Variants in GPBP1 observed in about 807,000 individuals in gnomAD.
GPBP1 encodes vasculin.
A neutral mutation model predicts 56.5 loss-of-function variants in GPBP1; 13 were observed. The ratio of observed to expected loss-of-function variants is 0.23; its 90% CI spans 0.15 to 0.37. The LOEUF (loss-of-function observed/expected upper bound fraction) is 0.37, where lower values mean the gene tolerates loss of function less well. Ranked by LOEUF, GPBP1 falls within the 10% of genes least tolerant of loss-of-function variation. The probability of loss-of-function intolerance (pLI) is 1.00; values close to 1 mark genes in which losing one functional copy is unlikely to be tolerated. For synonymous variants in GPBP1, 204 were observed against 188.9 expected, an observed-to-expected ratio of 1.08 and a Z score of -0.66; for missense variants, 477 against 572.3, an observed-to-expected ratio of 0.83 and a Z score of 1.70.
chr5:57,175,435 A>G lies in GPBP1; in HGVS notation c.-1010-13A>G, dbSNP rs1013679984. 2.5e-4 allele frequency: 98 copies of G among 398,336 alleles called. No homozygotes were observed. The highest frequency in any genetic ancestry group is 9.3e-5 in the Non-Finnish European group (21 of 226,020). The allele number at this position is 398,336 out of a possible 1,614,324, so 24.7% of individuals were successfully genotyped here. A position where few individuals can be genotyped will look rare whatever the true frequency, so the allele number is the denominator to read the frequency against. On this transcript the variant is annotated splice_polypyrimidine_tract_variant and intron_variant, in intron 1 of 11. Coordinates refer to ENST00000506184, the MANE Select transcript of GPBP1 (RefSeq NM_022913.4). The stretch of plus-strand genomic sequence containing the variant: ...CAAAACTCAGTATATAATTTTTTTT[A>G]TAACTTTTACAGGTGATTGAATTAC...
At chr5:57,209,171 C>T (rs1047381698) in intron 2 of GPBP1, among the ~76,000 whole-genome samples, 1 of 152,084 alleles carries the variant, frequency 6.6e-6, no homozygotes, top group Admixed American at 6.6e-5. Flanking sequence ...GATCTTCTAT[C>T]TTGGCAGCGT....
intron 2 of GPBP1, among the ~76,000 whole-genome samples, chr5:57,179,588 T>G (rs1753950436): frequency 6.6e-6 from 1 of 152,186 alleles, no homozygotes; most frequent in African/African-American, 2.4e-5. Flanking sequence ...ACCTTGTCTT[T>G]TTTTTGTTGT....
chr5:57,176,649 A>G (rs1188146286), intron 2 of GPBP1, among the ~76,000 whole-genome samples: 1 of 152,226 alleles, frequency 6.6e-6, no homozygotes, highest in South Asian at 2.1e-4. Context: ...GCGCTTTTTA[A>G]GTAAAAAGCT....
intron 2 of GPBP1, among the ~76,000 whole-genome samples, chr5:57,190,103 T>G (rs1754452935): frequency 6.7e-6 from 1 of 149,900 alleles, no homozygotes; most frequent in East Asian, 2.1e-4. Context: ...TGTTGTAGTC[T>G]CAGTGCACTT....
At chr5:57,225,508 A>AAAAAAC (rs1554069044) in intron 3 of GPBP1, among the ~76,000 whole-genome samples, 15 of 123,620 alleles carry the variant, frequency 1.2e-4, no homozygotes, top group South Asian at 7.6e-4. Context: ...AAAAAAAAAA[A>AAAAAAC]AAACAAACTG....
At position 57,247,130 on chromosome 5, in the gene GPBP1, A is replaced by T. The variant is rs759313583; in HGVS notation, c.719A>T (p.His240Leu). ...KENKVGTSFP[H>L]ESTFGVGNFN... The stretch of plus-strand genomic sequence containing the variant: ...AATAAAGTTGGAACTTCTTTCCCTC[A>T]TGAGTCCACATTTGGCGTTGGCAAC... Residue 240 changes from histidine (H) to leucine (L), a missense_variant, in exon 8 of 12, where the codon CAT becomes CTT. His to Leu is a moderately conservative substitution (Grantham distance 99). Transcript: ENST00000506184. 6.2e-7 allele frequency: 1 copy of T among 1,613,728 alleles called. No individual in the cohort carries two copies. The highest frequency in any genetic ancestry group is 8.5e-7 in the Non-Finnish European group (1 of 1,179,730).
chr5:57,239,566 AG>A (rs1740723411), intron 6 of GPBP1, among the ~76,000 whole-genome samples: 4 of 151,850 alleles, frequency 2.6e-5, no homozygotes, highest in Admixed American at 2.6e-4. Context: ...TGATCATCAG[AG>A]GTCAGGAGTT....
At chr5:57,216,946 T>A (rs1418632172) in intron 3 of GPBP1, among the ~76,000 whole-genome samples, 1 of 152,126 alleles carries the variant, frequency 6.6e-6, no homozygotes, top group Non-Finnish European at 1.5e-5. Context: ...AATATCGTTA[T>A]ATATTAGGAC....
At chr5:57,257,927 CTCACTGAAGTTAAAGATCA>C (rs1242736140) in intron 10 of GPBP1, among the ~76,000 whole-genome samples, 1 of 152,174 alleles carries the variant, frequency 6.6e-6, no homozygotes, top group Admixed American at 6.5e-5. Flanking sequence ...AGGCAATTTA[CTCACTGAAGTTAAAGATCA>C]TATTGAAAAG....
intron 2 of GPBP1, among the ~76,000 whole-genome samples, chr5:57,208,942 A>T (rs1293835657): frequency 3.9e-5 from 6 of 152,286 alleles, no homozygotes; most frequent in African/African-American, 1.4e-4. Context: ...GGCTTGAGCC[A>T]CTGTGCTGGG....
At chr5:57,215,046 C>T (rs1755645924) in intron 3 of GPBP1, among the ~76,000 whole-genome samples, 1 of 152,194 alleles carries the variant, frequency 6.6e-6, no homozygotes, top group Admixed American at 6.6e-5. Flanking sequence ...TTGTAGTAAT[C>T]AGAGTTTCAC....
At chr5:57,205,240 G>A (rs766147068) in intron 2 of GPBP1, among the ~76,000 whole-genome samples, 2 of 152,074 alleles carry the variant, frequency 1.3e-5, no homozygotes, top group African/African-American at 4.8e-5. Flanking sequence ...TGTTTTTGAC[G>A]TTTATACTCA....
intron 2 of GPBP1, among the ~76,000 whole-genome samples, chr5:57,205,819 A>G (rs1343680688): frequency 1.3e-5 from 2 of 152,134 alleles, no homozygotes; most frequent in South Asian, 2.1e-4. Flanking sequence ...GCTATAGTGC[A>G]CTGGCACTAT....
At chr5:57,253,717 T>C (rs1741496851) in intron 10 of GPBP1, among the ~76,000 whole-genome samples, 1 of 152,224 alleles carries the variant, frequency 6.6e-6, no homozygotes, top group Non-Finnish European at 1.5e-5. Flanking sequence ...TTTCTAATTT[T>C]TTCAAATGTT....
intron 6 of GPBP1, among the ~76,000 whole-genome samples, chr5:57,239,203 G>C (rs1310937645): frequency 1.3e-5 from 2 of 152,136 alleles, no homozygotes; most frequent in African/African-American, 4.8e-5. Context: ...ACGTGTTCAT[G>C]GTTGAAAAGG....
At chr5:57,205,389 C>T (rs1357510919) in intron 2 of GPBP1, among the ~76,000 whole-genome samples, 1 of 152,194 alleles carries the variant, frequency 6.6e-6, no homozygotes, top group Non-Finnish European at 1.5e-5. Flanking sequence ...CACTGGTGTA[C>T]AACAATTTGA....
chr5:57,233,618 A>C (rs1156905535), intron 5 of GPBP1, among the ~76,000 whole-genome samples: 1 of 152,238 alleles, frequency 6.6e-6, no homozygotes, highest in Non-Finnish European at 1.5e-5. Context: ...CTAAAGTCTT[A>C]AGAGGAAATA....
chr5:57,236,414 A>C (rs1756663834), intron 6 of GPBP1, among the ~76,000 whole-genome samples: 1 of 152,198 alleles, frequency 6.6e-6, no homozygotes, highest in Non-Finnish European at 1.5e-5. Context: ...TTCTGATCAT[A>C]GTGTGACATG....
intron 10 of GPBP1, among the ~76,000 whole-genome samples, chr5:57,255,780 TTA>T (rs1272746020): frequency 6.6e-6 from 1 of 152,238 alleles, no homozygotes; most frequent in Non-Finnish European, 1.5e-5. Flanking sequence ...TAATGTTTAA[TTA>T]TATTTTTTTA....
Sources: allele counts gnomAD v4.1 joint callset (sites outside exome capture counted in the v4.1 genomes callset), GRCh38; gene constraint gnomAD v4.1.1; transcripts MANE v1.5; gene names NCBI Gene and HGNC (gene_info 2026-07-23, HGNC 2026-07-21).